MIA2: variants seen among roughly 807,000 people sequenced by gnomAD.
MIA2 encodes melanoma inhibitory activity protein 2.
In MIA2, 127 loss-of-function variants were observed where a neutral mutation model predicts 167.8. The ratio of observed to expected loss-of-function variants is 0.76; its 90% CI spans 0.66 to 0.88. The LOEUF is 0.88. Among genes scored for constraint, MIA2 ranks in the 40% least tolerant of loss-of-function variants. The pLI is 0.00. For missense variants in MIA2, 1,690 were observed against 1,624.7 expected, an observed-to-expected ratio of 1.04 and a Z score of -0.69; for synonymous variants, 552 against 541.9, an observed-to-expected ratio of 1.02 and a Z score of -0.26.
intron 23 of MIA2, among the ~76,000 whole-genome samples, chr14:39,381,344 T>TAC (rs199928469): frequency 3.3e-5 from 5 of 152,046 alleles, no homozygotes; most frequent in South Asian, 2.1e-4. Context: ...GCCTTTTAAA[T>TAC]ACACACACAC....
intron 9 of MIA2, among the ~76,000 whole-genome samples, chr14:39,284,945 G>T (rs2059415397): frequency 6.6e-6 from 1 of 152,006 alleles, no homozygotes; most frequent in Non-Finnish European, 1.5e-5. Context: ...AGGGAGTGGT[G>T]ATGACTCTTA....
intron 25 of MIA2, among the ~76,000 whole-genome samples, chr14:39,344,752 TCTC>T (rs1287702624): frequency 6.6e-6 from 1 of 152,166 alleles, no homozygotes; most frequent in Non-Finnish European, 1.5e-5. Flanking sequence ...TCTTTGTCGT[TCTC>T]CTTATTTTTG....
At chr14:39,267,182 A>G in intron 6 of MIA2, 1 of 1,201,350 alleles carries the variant, frequency 8.3e-7, no homozygotes, top group Middle Eastern at 3.4e-4. Flanking sequence ...TGGGGTGGCG[A>G]GGACAGGGTA....
rs751446667 is a variant in MIA2 at position 39,294,979 on chromosome 14, A to G, written c.2446A>G (p.Ile816Val). The G allele has an allele frequency of 3.2e-5, 51 of 1,614,096 alleles. No individual in the cohort carries two copies. Among genetic ancestry groups the G allele is most frequent in the Non-Finnish European group, 4.2e-5 (50 of 1,179,964 alleles). The stretch of plus-strand genomic sequence containing the variant: ...GAATGAAGAACGACTGAAGATAGCA[A>G]TAAAAGATGCTTTGAATGAAAATTC... ...QMNEERLKIA[I>V]KDALNENSQL... The change falls in exon 13 of 29, where the codon ATA (isoleucine) becomes GTA (valine). Residue 816 changes from isoleucine (I) to valine (V), a missense_variant. Physicochemically the swap from Ile to Val is conservative, Grantham distance 29. Transcript: ENST00000640607.
At chr14:39,252,365 T>G (rs1180374309) in intron 4 of MIA2, among the ~76,000 whole-genome samples, 1 of 152,070 alleles carries the variant, frequency 6.6e-6, no homozygotes, top group Non-Finnish European at 1.5e-5. Context: ...ACTGCTGGCT[T>G]TGAAAATGGA....
At chr14:39,281,516 G>A (rs1182611869) in intron 9 of MIA2, among the ~76,000 whole-genome samples, 1 of 151,630 alleles carries the variant, frequency 6.6e-6, no homozygotes, top group East Asian at 1.9e-4. Context: ...CAGTTCTGCA[G>A]TTTTATTGTG....
At chr14:39,356,801 C>G (rs1045929093) in intron 23 of MIA2, among the ~76,000 whole-genome samples, 8 of 152,130 alleles carry the variant, frequency 5.3e-5, no homozygotes, top group African/African-American at 9.7e-5. Context: ...GCCTTTATTT[C>G]GTTATGTACC....
At chr14:39,340,864 G>T (rs2071651166) in intron 25 of MIA2, among the ~76,000 whole-genome samples, 1 of 152,158 alleles carries the variant, frequency 6.6e-6, no homozygotes, top group East Asian at 1.9e-4. Flanking sequence ...TTAAAAATCT[G>T]TGTTTAATTT....
At chr14:39,375,045 C>G (rs1354362810) in intron 23 of MIA2, among the ~76,000 whole-genome samples, 1 of 152,100 alleles carries the variant, frequency 6.6e-6, no homozygotes, top group African/African-American at 2.4e-5. Context: ...AGGGATTAGA[C>G]TTGGATTGGT....
chr14:39,339,707 G>A (rs2071344843), intron 25 of MIA2, among the ~76,000 whole-genome samples: 1 of 152,098 alleles, frequency 6.6e-6, no homozygotes, highest in African/African-American at 2.4e-5. Context: ...TAATAGAAAT[G>A]TTTTATATCT....
intron 7 of MIA2, among the ~76,000 whole-genome samples, chr14:39,277,952 C>T (rs2058418340): frequency 6.7e-6 from 1 of 150,302 alleles, no homozygotes. Flanking sequence ...GTCACTCTGC[C>T]CAGCTTCATC....
chr14:39,266,499 T>C (rs2152671439), intron 6 of MIA2: 2 of 985,518 alleles, frequency 2.0e-6, no homozygotes, highest in East Asian at 1.1e-4. Flanking sequence ...TGAAGACAGC[T>C]GGGCCTAACA....
chr14:39,339,571 G>A (rs1263276721), intron 25 of MIA2, among the ~76,000 whole-genome samples: 1 of 152,020 alleles, frequency 6.6e-6, no homozygotes, highest in Non-Finnish European at 1.5e-5. Context: ...AAGATGTTGG[G>A]ATAAAAGATA....
At chr14:39,273,424 T>A (rs181269643) in intron 6 of MIA2, among the ~76,000 whole-genome samples, 1 of 152,072 alleles carries the variant, frequency 6.6e-6, no homozygotes, top group Non-Finnish European at 1.5e-5. Flanking sequence ...ATGATCATGA[T>A]TCACTGCCGT....
At chr14:39,331,251 CT>C (rs1044405275) in intron 25 of MIA2, among the ~76,000 whole-genome samples, 1 of 152,056 alleles carries the variant, frequency 6.6e-6, no homozygotes, top group Non-Finnish European at 1.5e-5. Flanking sequence ...GGTTTCAAGT[CT>C]TTTTTATCAG....
Position 39,313,390 on chromosome 14 carries a change from C to A in MIA2, c.3068C>A (p.Ser1023Tyr). 2 of 1,603,080 alleles carry A rather than the reference C, an allele frequency of 1.2e-6. No individual in the cohort carries two copies. The highest frequency in any genetic ancestry group is 1.1e-5 in the South Asian group (1 of 88,798). ...NYRLEKEEKL[S>Y]KVDEKISHAT... is the part of the protein sequence containing the mutation. ...CGGTTAGAGAAAGAAGAGAAACTTT[C>A]TAAAGTAGATGAAAAGATCAGCCAT... Residue 1023 changes from serine (S) to tyrosine (Y), a missense_variant, in exon 19 of 29, where the codon TCT becomes TAT. By Grantham distance (144) the Ser-to-Tyr change is moderately radical. Coordinates refer to ENST00000640607, the MANE Select transcript of MIA2 (RefSeq NM_001329214.4).
chr14:39,337,754 G>A (rs1312171968), intron 25 of MIA2, among the ~76,000 whole-genome samples: 2 of 151,748 alleles, frequency 1.3e-5, no homozygotes, highest in African/African-American at 4.8e-5. Flanking sequence ...GTCTCACTCT[G>A]TCACCCAGGC....
intron 23 of MIA2, among the ~76,000 whole-genome samples, chr14:39,377,835 C>T (rs1310737029): frequency 6.6e-6 from 1 of 151,566 alleles, no homozygotes; most frequent in East Asian, 1.9e-4. Flanking sequence ...TCTTAAAAGC[C>T]TTGAGCCCAG....
chr14:39,240,442 C>T (rs759508081), intron 2 of MIA2, 119 bp from the exon 3 acceptor site: 25 of 592,782 alleles, frequency 4.2e-5, no homozygotes, highest in Admixed American at 4.1e-4. Flanking sequence ...AATTGATAGT[C>T]GAGTAATGTT....
Sources: allele counts gnomAD v4.1 joint callset (sites outside exome capture counted in the v4.1 genomes callset), GRCh38; gene constraint gnomAD v4.1.1; transcripts MANE v1.5; gene names NCBI Gene and HGNC (gene_info 2026-07-23, HGNC 2026-07-21).